Variants in SKI observed in about 807,000 individuals in gnomAD.
SKI encodes the protein ski oncogene.
SKI carries 23 observed loss-of-function variants against 59.3 expected under a neutral mutation model. That is an observed-to-expected ratio of 0.39 (90% CI 0.28 to 0.55). The LOEUF is 0.55. Among genes scored for constraint, SKI ranks in the 20% least tolerant of loss-of-function variants. The probability of loss-of-function intolerance (pLI) is 0.67; values close to 1 mark genes in which losing one functional copy is unlikely to be tolerated. For missense variants in SKI, 1,017 were observed against 1,038.9 expected, an observed-to-expected ratio of 0.98 and a Z score of 0.29; for synonymous variants, 673 against 488.6, an observed-to-expected ratio of 1.38 and a Z score of -4.98.
At chr1:2,230,255 G>T (rs1351253240) in intron 1 of SKI, among the ~76,000 whole-genome samples, 1 of 152,242 alleles carries the variant, frequency 6.6e-6, no homozygotes, top group Non-Finnish European at 1.5e-5. Flanking sequence ...GCCTGGTTTT[G>T]TTACTGGCTC....
Position 2,303,621 on chromosome 1 carries a change from G to A in SKI, c.1212-219G>A. ...TCGTGGGTGGAGCCCTGTCTGCTGG[G>A]CGCAGCTTCTTGATGTGTTGGCCTG... On this transcript the variant is annotated intron_variant, in intron 3 of 6. Coordinates refer to ENST00000378536, the MANE Select transcript of SKI (RefSeq NM_003036.4). The surrounding 1 kb of genome is among the most constrained non-coding windows in gnomAD (Gnocchi z 5.6). The A allele has an allele frequency of 1.4e-6, 1 of 710,434 alleles. No individual in the cohort carries two copies. The highest frequency in any genetic ancestry group is 1.8e-5 in the South Asian group (1 of 54,954). 44.0% of individuals were successfully genotyped at this position (710,434 alleles called of 1,614,324 possible). A position where few individuals can be genotyped will look rare whatever the true frequency, so the allele number is the denominator to read the frequency against.
chr1:2,272,441 G>A (rs1422252517), intron 1 of SKI, among the ~76,000 whole-genome samples: 6 of 152,222 alleles, frequency 3.9e-5, no homozygotes, highest in Non-Finnish European at 8.8e-5. Flanking sequence ...TTGGGGAGAC[G>A]GCCCTGGCCC....
chr1:2,305,999 C>A (rs1160088793), intron 5 of SKI, 21 bp from the exon 6 acceptor site: 1 of 1,550,264 alleles, frequency 6.5e-7, no homozygotes, highest in Admixed American at 2.0e-5. Context: ...GCAGTGACCC[C>A]GAGCCGCCTC....
chr1:2,230,417 C>T (rs1638608977), intron 1 of SKI, among the ~76,000 whole-genome samples: 1 of 152,132 alleles, frequency 6.6e-6, no homozygotes, highest in Non-Finnish European at 1.5e-5. Context: ...TCCCAGAGTC[C>T]GCCGTGTGGG....
intron 1 of SKI, among the ~76,000 whole-genome samples, chr1:2,286,018 C>G (rs1478991824): frequency 6.6e-6 from 1 of 151,908 alleles, no homozygotes; most frequent in Non-Finnish European, 1.5e-5. Flanking sequence ...GGACTACAGG[C>G]ACGCACTGCC....
At chr1:2,236,438 G>A (rs1362337111) in intron 1 of SKI, among the ~76,000 whole-genome samples, 1 of 151,580 alleles carries the variant, frequency 6.6e-6, no homozygotes, top group South Asian at 2.1e-4. Flanking sequence ...ATGGAGTCTT[G>A]CTCTGTTGCC....
At chr1:2,236,336 A>T (rs1365878696) in intron 1 of SKI, among the ~76,000 whole-genome samples, 1 of 152,200 alleles carries the variant, frequency 6.6e-6, no homozygotes, top group African/African-American at 2.4e-5. Flanking sequence ...CTCTGCAGGC[A>T]CTGGCAGTCA....
intron 1 of SKI, among the ~76,000 whole-genome samples, chr1:2,298,178 GTC>G (rs1188019063): frequency 6.6e-6 from 1 of 152,218 alleles, no homozygotes; most frequent in Non-Finnish European, 1.5e-5. Context: ...AGGCCTCAAT[GTC>G]TGTTTCAGCT....
chr1:2,246,208 T>G (rs540110629), intron 1 of SKI, among the ~76,000 whole-genome samples: 1 of 152,340 alleles, frequency 6.6e-6, no homozygotes, highest in East Asian at 1.9e-4. Context: ...ACTTGTTCTG[T>G]TTTTTGACAG....
chr1:2,285,526 A>C (rs1190633974), intron 1 of SKI, among the ~76,000 whole-genome samples: 14 of 151,662 alleles, frequency 9.2e-5, no homozygotes, highest in East Asian at 2.0e-4. Context: ...AAAAACAAAC[A>C]ATAAACAAAC....
chr1:2,239,312 A>G (rs191158504), intron 1 of SKI, among the ~76,000 whole-genome samples: 18 of 152,250 alleles, frequency 1.2e-4, no homozygotes, highest in Admixed American at 3.9e-4. Context: ...GCCTGACCCT[A>G]GTGGGTTTTG....
intron 1 of SKI, among the ~76,000 whole-genome samples, chr1:2,290,279 C>A (rs1640132899): frequency 6.6e-6 from 1 of 152,156 alleles, no homozygotes; most frequent in Non-Finnish European, 1.5e-5. Context: ...AGGGCACAGG[C>A]AGGGAGCAGC....
intron 1 of SKI, among the ~76,000 whole-genome samples, chr1:2,233,172 ATCCTGCTCCAAGGGGGGG>A (rs529392168): frequency 1.5e-3 from 217 of 146,806 alleles, no homozygotes; most frequent in Non-Finnish European, 2.6e-3. Flanking sequence ...CCGTGGCAGG[ATCCTGCTCCAAGGGGGGG>A]TCCTGCTCCG....
chr1:2,248,925 G>T (rs1639057192), intron 1 of SKI, among the ~76,000 whole-genome samples: 1 of 152,236 alleles, frequency 6.6e-6, no homozygotes, highest in Non-Finnish European at 1.5e-5. Context: ...CTGTTTGGAA[G>T]AGGCAGCTGG....
intron 1 of SKI, chr1:2,240,844 T>TG: frequency 1.0e-6 from 1 of 973,498 alleles, no homozygotes; most frequent in Non-Finnish European, 1.2e-6. Context: ...CTGCCCAGTG[T>TG]GGGGGCCGTC....
chr1:2,288,717 G>A (rs1305581421), intron 1 of SKI, among the ~76,000 whole-genome samples: 1 of 152,214 alleles, frequency 6.6e-6, no homozygotes, highest in East Asian at 1.9e-4. Context: ...ACACATGGAT[G>A]AAACTAGCCT....
chr1:2,289,310 C>T (rs943746399), intron 1 of SKI, among the ~76,000 whole-genome samples: 4 of 152,178 alleles, frequency 2.6e-5, no homozygotes, highest in Non-Finnish European at 5.9e-5. Flanking sequence ...TTGTCTTCAT[C>T]CCTCTTCGGT....
chr1:2,246,947 G>T (rs1639013000), intron 1 of SKI, among the ~76,000 whole-genome samples: 1 of 152,236 alleles, frequency 6.6e-6, no homozygotes, highest in African/African-American at 2.4e-5. Flanking sequence ...CACAGGCCGG[G>T]CACGGTGGCT....
At chr1:2,235,652 G>A (rs572536860) in intron 1 of SKI, among the ~76,000 whole-genome samples, 9 of 152,284 alleles carry the variant, frequency 5.9e-5, no homozygotes, top group Non-Finnish European at 1.3e-4. Context: ...GGCCTCGATG[G>A]GGGGCCCAGG....
Sources: allele counts gnomAD v4.1 joint callset (sites outside exome capture counted in the v4.1 genomes callset), GRCh38; gene constraint gnomAD v4.1.1; non-coding constraint Gnocchi (gnomAD v3.1); transcripts MANE v1.5; gene names NCBI Gene and HGNC (gene_info 2026-07-23, HGNC 2026-07-21).